The following SLFN12L variants were observed in gnomAD, a reference collection of about 807,000 sequenced individuals.
SLFN12L encodes the protein schlafen family member 12 like, also known as schlafen family member 12-like.
A neutral mutation model predicts 34.8 loss-of-function variants in SLFN12L; 34 were observed. The observed-to-expected ratio is 0.98, with a 90% CI of 0.74 to 1.30. The LOEUF is 1.30. Ranked by LOEUF, SLFN12L falls within the 50% of genes most tolerant of loss-of-function variation. The pLI, the probability that SLFN12L is intolerant of heterozygous loss-of-function variation, is 0.00. For missense variants in SLFN12L, 703 were observed against 696.2 expected (o/e 1.01, Z -0.11); for synonymous variants, 259 against 247.5 (o/e 1.05, Z -0.44).
In SLFN12L at chr17:35,522,596, G is replaced by C; in HGVS notation, c.-232C>G. ...GTGCCTGCAAAACTATAGGACGCAGGGTAATCCATCGGAGACACTGCAGCC... is the reference window on the plus strand; with the variant it reads ...GTGCCTGCAAAACTATAGGACGCAGCGTAATCCATCGGAGACACTGCAGCC... On this transcript the variant is annotated 5_prime_UTR_variant, in exon 2 of 5. Transcript: ENST00000628453. 7 of 1,609,902 alleles carry C rather than the reference G, an allele frequency of 4.3e-6. No individual in the cohort carries two copies. The highest frequency in any genetic ancestry group is 5.9e-6 in the Non-Finnish European group (7 of 1,178,130).
chr17:35,499,106 G>A (rs1013883626), intron 2 of SLFN12L: 3 of 840,188 alleles, frequency 3.6e-6, no homozygotes, highest in South Asian at 1.3e-5. Flanking sequence ...TACAATCCAG[G>A]AAGTTAAAAT....
intron 2 of SLFN12L, among the ~76,000 whole-genome samples, chr17:35,492,912 A>T (rs1914893568): frequency 1.3e-5 from 2 of 152,096 alleles, no homozygotes; most frequent in South Asian, 4.1e-4. Context: ...GGCACATAGT[A>T]GGCACTCAAC....
intron 2 of SLFN12L, among the ~76,000 whole-genome samples, chr17:35,507,796 C>T (rs970955815): frequency 1.3e-5 from 2 of 152,192 alleles, no homozygotes; most frequent in Non-Finnish European, 2.9e-5. Flanking sequence ...CAAAATGCTT[C>T]AGCACAAGTG....
At chr17:35,530,182 C>T (rs558432412) in intron 1 of SLFN12L, among the ~76,000 whole-genome samples, 7 of 140,990 alleles carry the variant, frequency 5.0e-5, no homozygotes, top group South Asian at 2.2e-4. Flanking sequence ...CCCGTCTCTA[C>T]GAAAAATACA....
intron 1 of SLFN12L, among the ~76,000 whole-genome samples, chr17:35,527,628 A>C (rs1186356150): frequency 6.6e-6 from 1 of 152,194 alleles, no homozygotes; most frequent in Non-Finnish European, 1.5e-5. Flanking sequence ...TAGATGCAGA[A>C]AAGGCCTTCA....
rs1913775328 is a variant in SLFN12L at position 35,469,727 on chromosome 17, C to CT, written c.*5195dup. Among the ~76,000 whole-genome samples the CT allele has an allele frequency of 6.6e-6, 1 of 152,118 alleles. No individual in the cohort carries two copies. The highest frequency in any genetic ancestry group is 2.4e-5 in the African/African-American group (1 of 41,412). ...ATGGCCAACATTCTTTACATCCCCG[C>CT]TGTGACCCAGAGCTCATACTCTAAG... On this transcript the variant is annotated 3_prime_UTR_variant, in exon 5 of 5. Transcript: ENST00000628453.
intron 2 of SLFN12L, chr17:35,498,127 G>T: frequency 1.7e-6 from 1 of 605,546 alleles, no homozygotes; most frequent in South Asian, 1.9e-5. Flanking sequence ...CGGTCAGAGC[G>T]AGACCTGCAG....
chr17:35,525,888 C>T (rs1159958503), intron 1 of SLFN12L, among the ~76,000 whole-genome samples: 2 of 152,084 alleles, frequency 1.3e-5, no homozygotes, highest in South Asian at 2.1e-4. Flanking sequence ...GGGCTAAATG[C>T]CCCAATTAAA....
intron 1 of SLFN12L, among the ~76,000 whole-genome samples, chr17:35,534,720 C>T (rs372638031): frequency 2.0e-5 from 3 of 152,096 alleles, no homozygotes; most frequent in South Asian, 2.1e-4. Context: ...CAGTCACTGG[C>T]GGGAGCTGTT....
At chr17:35,535,037 CT>C (rs2072445351) in intron 1 of SLFN12L, among the ~76,000 whole-genome samples, 1 of 152,148 alleles carries the variant, frequency 6.6e-6, no homozygotes. Context: ...TATCTCATTG[CT>C]TTCTCACAAC....
intron 2 of SLFN12L, among the ~76,000 whole-genome samples, chr17:35,511,584 TACACAC>T (rs58683369): frequency 5.3e-4 from 79 of 148,072 alleles, no homozygotes; most frequent in African/African-American, 6.8e-4. Flanking sequence ...CACACACACA[TACACAC>T]ACACACACAC....
chr17:35,493,853 A>G (rs1248066097), intron 2 of SLFN12L, among the ~76,000 whole-genome samples: 2 of 152,218 alleles, frequency 1.3e-5, no homozygotes, highest in African/African-American at 4.8e-5. Flanking sequence ...TACTTTCTAG[A>G]TGGCATGTAA....
chr17:35,475,482 A>G lies in SLFN12L; in HGVS notation c.1280T>C (p.Leu427Pro). The part of the protein sequence containing the change: ...IQPLRYHLPG[L>P]SEKITCAPKT... ...TGGAGCACAAGTTATCTTTTCTGAT[A>G]GCCCTAGATGGGGAAATAATGATAA... Residue 427 changes from leucine to proline, a missense_variant, in exon 5 of 5, where the codon CTA becomes CCA. Coordinates refer to ENST00000628453, the MANE Select transcript of SLFN12L (RefSeq NM_001363830.2). 1.3e-6 allele frequency: 2 copies of G among 1,596,432 alleles called. No homozygotes were observed. Among genetic ancestry groups the G allele is most frequent in the Admixed American group, 3.6e-5 (2 of 55,618 alleles).
intron 2 of SLFN12L, among the ~76,000 whole-genome samples, chr17:35,491,715 G>C (rs1482661771): frequency 3.3e-5 from 5 of 152,230 alleles, no homozygotes; most frequent in Non-Finnish European, 5.9e-5. Flanking sequence ...TGGAACTGCA[G>C]CAAATGCAAA....
At chr17:35,508,517 T>G (rs1349780137) in intron 2 of SLFN12L, among the ~76,000 whole-genome samples, 1 of 152,146 alleles carries the variant, frequency 6.6e-6, no homozygotes, top group African/African-American at 2.4e-5. Flanking sequence ...GAGCCAATTA[T>G]TTTTGTATTT....
At chr17:35,521,168 T>G (rs527938847) in intron 2 of SLFN12L, among the ~76,000 whole-genome samples, 35 of 152,202 alleles carry the variant, frequency 2.3e-4, no homozygotes, top group Non-Finnish European at 1.6e-4. Flanking sequence ...AAATAAAGTC[T>G]GAAAAATTAT....
chr17:35,530,871 G>C (rs2072405138), intron 1 of SLFN12L, among the ~76,000 whole-genome samples: 1 of 152,150 alleles, frequency 6.6e-6, no homozygotes, highest in Admixed American at 6.6e-5. Context: ...TGATTCAGTA[G>C]CGCAGGAAAC....
At chr17:35,530,435 G>GAAA (rs1240405993) in intron 1 of SLFN12L, among the ~76,000 whole-genome samples, 212 of 11,398 alleles carry the variant, frequency 0.019, 37 homozygotes, top group Middle Eastern at 0.059. Context: ...GGAAGGGAAG[G>GAAA]GAAGGGAAGA....
intron 2 of SLFN12L, among the ~76,000 whole-genome samples, chr17:35,503,468 A>T (rs1254391824): frequency 1.3e-5 from 2 of 152,228 alleles, no homozygotes; most frequent in East Asian, 3.8e-4. Flanking sequence ...CTTTAACATT[A>T]ATAGCATACT....
Sources: allele counts gnomAD v4.1 joint callset (sites outside exome capture counted in the v4.1 genomes callset), GRCh38; gene constraint gnomAD v4.1.1; transcripts MANE v1.5; gene names NCBI Gene and HGNC (gene_info 2026-07-23, HGNC 2026-07-21).